Variants in FAM107B observed in about 807,000 individuals in gnomAD.
FAM107B encodes protein FAM107B.
FAM107B carries 21 observed loss-of-function variants against 31.5 expected under a neutral mutation model. The observed-to-expected ratio is 0.67, with a 90% confidence interval of 0.47 to 0.96. FAM107B has a LOEUF of 0.96. FAM107B is among the 40% of genes least tolerant of loss of function. FAM107B has a pLI of 0.00. For missense variants in FAM107B, 452 were observed against 377.1 expected (o/e 1.20, Z -1.64); for synonymous variants, 157 against 141.5 (o/e 1.11, Z -0.78).
chr10:14,693,454 G>C lies in FAM107B; in HGVS notation c.412-25763C>G, dbSNP rs968711261. ...CATGGTGCCACTGCACTCCAGCCTC[G>C]GCGACAGAGTGACACCGTCTCAAAA... On this transcript the variant is annotated intron_variant, in intron 1 of 4. Transcript: ENST00000181796. 2.7e-5 allele frequency among the ~76,000 whole-genome samples: 4 copies of C among 150,154 alleles called. No individual in the cohort carries two copies. In the East Asian group the frequency reaches 7.8e-4, roughly 29 times the overall value.
chr10:14,633,269 T>C (rs1219818670), intron 2 of FAM107B, among the ~76,000 whole-genome samples: 1 of 151,932 alleles, frequency 6.6e-6, no homozygotes, highest in African/African-American at 2.4e-5. Flanking sequence ...GGATCATGTG[T>C]AATTTACATA....
chr10:14,532,646 A>G (rs936940542), intron 2 of FAM107B: 5 of 152,348 alleles, frequency 3.3e-5, no homozygotes, highest in African/African-American at 1.2e-4. Context: ...ACACTGTCCC[A>G]TGGAAAAACG....
At chr10:14,764,539 C>T (rs1258104963) in intron 1 of FAM107B, among the ~76,000 whole-genome samples, 1 of 152,158 alleles carries the variant, frequency 6.6e-6, no homozygotes, top group South Asian at 2.1e-4. Context: ...CTCCGGCCTT[C>T]CCTGGTGCAG....
At chr10:14,674,659 A>C in intron 1 of FAM107B, among the ~76,000 whole-genome samples, 1 of 152,246 alleles carries the variant, frequency 6.6e-6, no homozygotes, top group East Asian at 1.9e-4. Flanking sequence ...AAGCAAGTTA[A>C]TTAGAAGCCA....
chr10:14,594,829 G>C (rs1479641777), intron 2 of FAM107B, among the ~76,000 whole-genome samples: 1 of 152,190 alleles, frequency 6.6e-6, no homozygotes, highest in Non-Finnish European at 1.5e-5. Context: ...ACAAATGCTC[G>C]GGAAATGCTG....
chr10:14,579,925 G>A (rs1324334065), intron 2 of FAM107B, among the ~76,000 whole-genome samples: 2 of 151,874 alleles, frequency 1.3e-5, no homozygotes, highest in Non-Finnish European at 2.9e-5. Context: ...GGGAGGCTGA[G>A]GCAGAAGAAT....
At chr10:14,658,125 G>A (rs992030317) in intron 2 of FAM107B, among the ~76,000 whole-genome samples, 4 of 152,110 alleles carry the variant, frequency 2.6e-5, no homozygotes, top group African/African-American at 9.7e-5. Flanking sequence ...CATTTCTTGG[G>A]AAGAATTTAT....
In FAM107B at chr10:14,519,146, TTTC is replaced by T. The variant is rs1386575684; in HGVS notation, c.*2041_*2043del. 6.6e-6 allele frequency: 1 copy of T among 152,218 alleles called. No individual in the cohort carries two copies. Among genetic ancestry groups the T allele is most frequent in the Non-Finnish European group, 1.5e-5 (1 of 68,038 alleles). The allele number at this position is 152,218 out of a possible 1,614,324, so 9.4% of individuals were successfully genotyped here. A position where few individuals can be genotyped will look rare whatever the true frequency, so the allele number is the denominator to read the frequency against. ...TTGAGTGAGATTAGGAAAGAAATGCTTTCTTAAGTAACTTTTTTTTTTTTCAGT... is the reference window on the plus strand; with the variant it reads ...TTGAGTGAGATTAGGAAAGAAATGCTTTAAGTAACTTTTTTTTTTTTCAGT... On this transcript the variant is annotated 3_prime_UTR_variant, in exon 5 of 5. Coordinates refer to ENST00000181796, the MANE Select transcript of FAM107B (RefSeq NM_031453.4).
intron 1 of FAM107B, among the ~76,000 whole-genome samples, chr10:14,700,902 G>A (rs1855384686): frequency 6.8e-6 from 1 of 148,134 alleles, no homozygotes; most frequent in African/African-American, 2.5e-5. Flanking sequence ...ATAACCTGGG[G>A]CACACACACA....
chr10:14,660,399 T>A (rs976462079), intron 2 of FAM107B, among the ~76,000 whole-genome samples: 9 of 152,216 alleles, frequency 5.9e-5, no homozygotes, highest in Non-Finnish European at 1.3e-4. Flanking sequence ...TGCAACTTAT[T>A]TTCAAAAAGA....
At chr10:14,732,969 TATTCTATAGAATACAATATATCTAATA>T (rs1322717386) in intron 1 of FAM107B, among the ~76,000 whole-genome samples, 1 of 146,772 alleles carries the variant, frequency 6.8e-6, no homozygotes, top group African/African-American at 2.5e-5. Flanking sequence ...CCTTATATTG[TATTCTATAGAATACAATATATCTAATA>T]ATTCTATAGA....
In FAM107B at chr10:14,774,582, G is replaced by A. The variant is rs1034373169; in HGVS notation, c.82C>T (p.Leu28Phe). 6.2e-7 allele frequency: 1 copy of A among 1,614,218 alleles called. No homozygotes were observed. Among genetic ancestry groups the A allele is most frequent in the Admixed American group, 1.7e-5 (1 of 60,030 alleles). ...SMHPFPCSAL[L>F]ACFGNTRESA... ...TCCCTCGTATTCCCAAAACAGGCGA[G>A]CAGAGCTGAGCACGGAAATGGATGC... The change falls in exon 1 of 5, where the codon CTC (leucine) becomes TTC (phenylalanine). Residue 28 changes from leucine (L) to phenylalanine (F), a missense_variant. Coordinates refer to ENST00000181796, the MANE Select transcript of FAM107B (RefSeq NM_031453.4).
intron 2 of FAM107B, among the ~76,000 whole-genome samples, chr10:14,554,532 T>A (rs1163544522): frequency 6.6e-6 from 1 of 152,156 alleles, no homozygotes; most frequent in Non-Finnish European, 1.5e-5. Flanking sequence ...ACTGCTGGTG[T>A]GAAATGGACT....
rs1845585031 is a variant in FAM107B at position 14,521,104 on chromosome 10, T to C, written c.*86A>G. The C allele has an allele frequency of 2.9e-6, 3 of 1,035,034 alleles. No homozygotes were observed. The highest frequency in any genetic ancestry group is 3.3e-5 in the African/African-American group (2 of 61,010). The allele number at this position is 1,035,034 out of a possible 1,614,324, so 64.1% of individuals were successfully genotyped here. ...CAAAATTCTCTGCTGGCTGAAATATTCTCCAGGGGCTTTTGCCCTGAGATT... is the reference window on the plus strand; with the variant it reads ...CAAAATTCTCTGCTGGCTGAAATATCCTCCAGGGGCTTTTGCCCTGAGATT... On this transcript the variant is annotated 3_prime_UTR_variant, in exon 5 of 5. Coordinates refer to ENST00000181796, the MANE Select transcript of FAM107B (RefSeq NM_031453.4).
At chr10:14,640,759 T>G (rs183849607) in intron 2 of FAM107B, among the ~76,000 whole-genome samples, 41 of 152,180 alleles carry the variant, frequency 2.7e-4, no homozygotes, top group African/African-American at 9.9e-4. Flanking sequence ...ATCAGCAAAA[T>G]AGTCAAACTG....
At chr10:14,548,354 G>A in intron 2 of FAM107B, 2 of 929,680 alleles carry the variant, frequency 2.2e-6, no homozygotes, top group African/African-American at 3.6e-5. Flanking sequence ...ATGCTCTTCC[G>A]ACTGCACCTC....
intron 1 of FAM107B, among the ~76,000 whole-genome samples, chr10:14,695,962 C>G (rs1008569933): frequency 6.6e-6 from 1 of 152,154 alleles, no homozygotes; most frequent in Non-Finnish European, 1.5e-5. Flanking sequence ...AATTCGGATG[C>G]CTTTTCTTTC....
At chr10:14,583,194 A>G (rs1221825657) in intron 2 of FAM107B, among the ~76,000 whole-genome samples, 1 of 152,086 alleles carries the variant, frequency 6.6e-6, no homozygotes, top group Non-Finnish European at 1.5e-5. Flanking sequence ...AAATCATACT[A>G]TTACTATTTC....
chr10:14,693,740 C>T (rs1855201522), intron 1 of FAM107B, among the ~76,000 whole-genome samples: 1 of 152,126 alleles, frequency 6.6e-6, no homozygotes, highest in African/African-American at 2.4e-5. Flanking sequence ...CCACTGACCT[C>T]CATGTCCCCA....
Sources: gnomAD v4.1 joint callset for allele counts (sites outside exome capture counted in the v4.1 genomes callset) on GRCh38, gnomAD v4.1.1 for gene constraint, MANE v1.5 for transcripts, NCBI Gene and HGNC (gene_info 2026-07-23, HGNC 2026-07-21) for gene names.